The following CCDC85A variants were observed in gnomAD, a reference collection of about 807,000 sequenced individuals.
CCDC85A encodes the protein coiled-coil domain containing 85A.
CCDC85A carries 38 observed loss-of-function variants against 50.2 expected under a neutral mutation model. That is an observed-to-expected ratio of 0.76 (90% CI 0.58 to 0.99). The LOEUF (loss-of-function observed/expected upper bound fraction) is 0.99, where lower values mean the gene tolerates loss of function less well. Among genes scored for constraint, CCDC85A ranks in the 50% least tolerant of loss-of-function variants. The probability of loss-of-function intolerance (pLI) is 0.00; values close to 1 mark genes in which losing one functional copy is unlikely to be tolerated. For missense variants in CCDC85A, 820 were observed against 742.0 expected (o/e 1.11, Z -1.22); for synonymous variants, 366 against 301.4 (o/e 1.21, Z -2.22).
At chr2:56,217,769 G>C (rs982518792) in intron 2 of CCDC85A, among the ~76,000 whole-genome samples, 1 of 151,660 alleles carries the variant, frequency 6.6e-6, no homozygotes, top group Non-Finnish European at 1.5e-5. Context: ...AATTATGTAG[G>C]AATTAAAGCA....
chr2:56,198,085 A>G (rs1676598551), intron 2 of CCDC85A, among the ~76,000 whole-genome samples: 2 of 152,226 alleles, frequency 1.3e-5, no homozygotes, highest in Non-Finnish European at 2.9e-5. Flanking sequence ...TGAGGTTATT[A>G]ATGAGTAAAC....
chr2:56,293,684 A>G (rs556311659), intron 2 of CCDC85A, among the ~76,000 whole-genome samples: 12 of 152,206 alleles, frequency 7.9e-5, no homozygotes, highest in Non-Finnish European at 1.8e-4. Flanking sequence ...CATATATGCA[A>G]CCAACAAACA....
At chr2:56,310,306 T>G (rs1199615404) in intron 2 of CCDC85A, among the ~76,000 whole-genome samples, 1 of 152,096 alleles carries the variant, frequency 6.6e-6, no homozygotes, top group Non-Finnish European at 1.5e-5. Flanking sequence ...AGGACACAGT[T>G]TTTGACTGAC....
intron 2 of CCDC85A, among the ~76,000 whole-genome samples, chr2:56,232,198 A>C (rs755724525): frequency 5.3e-5 from 8 of 152,134 alleles, no homozygotes; most frequent in Non-Finnish European, 1.2e-4. Context: ...TGAACACCTG[A>C]TACCTATTCA....
At chr2:56,380,858 C>G (rs193282088) in intron 5 of CCDC85A, among the ~76,000 whole-genome samples, 8 of 152,196 alleles carry the variant, frequency 5.3e-5, no homozygotes, top group Non-Finnish European at 1.0e-4. Flanking sequence ...TGGTTAAGCA[C>G]TGGTCATGTT....
At chr2:56,195,571 T>G (rs955888821) in intron 2 of CCDC85A, among the ~76,000 whole-genome samples, 2 of 152,246 alleles carry the variant, frequency 1.3e-5, no homozygotes, top group Admixed American at 6.5e-5. Flanking sequence ...TTATGGATCA[T>G]CAGCCTATAA....
Position 56,308,171 on chromosome 2 carries a change from C to A in CCDC85A, c.1241-34708C>A, listed in dbSNP as rs145685347. Among the ~76,000 whole-genome samples the A allele has an allele frequency of 1.6e-3, 245 of 152,274 alleles. 2 individuals carry two copies. The highest frequency in any genetic ancestry group is 5.6e-3 in the African/African-American group (231 of 41,566). ...CTAGTTGTGAGAAGCCAGTATAGTT[C>A]ACCATTTTCAGACATTTTGTCAAAC... On this transcript the variant is annotated intron_variant, in intron 2 of 5. Transcript: ENST00000407595.
intron 2 of CCDC85A, among the ~76,000 whole-genome samples, chr2:56,306,876 T>C (rs1225569053): frequency 6.6e-6 from 1 of 152,154 alleles, no homozygotes; most frequent in Admixed American, 6.6e-5. Flanking sequence ...GGTTATTGTC[T>C]GATATGAGTT....
chr2:56,342,809 C>T (rs1674440824), intron 2 of CCDC85A, 70 bp from the exon 3 acceptor site: 2 of 993,196 alleles, frequency 2.0e-6, no homozygotes, highest in South Asian at 3.2e-5. Context: ...TAAATCAAGC[C>T]AGAAATATCC....
At position 56,184,149 on chromosome 2, in the gene CCDC85A, A is replaced by C; in HGVS notation, c.-476A>C. 1 of 985,654 alleles carries C rather than the reference A, an allele frequency of 1.0e-6. No homozygotes were observed. Among genetic ancestry groups the C allele is most frequent in the Non-Finnish European group, 1.2e-6 (1 of 830,282 alleles). The allele number at this position is 985,654 out of a possible 1,614,324, so 61.1% of individuals were successfully genotyped here. ...CGCCGCGGTGCCCGGCGCGCCCTCC[A>C]AGCTAGGAGAGGGGAGAAGCCGGGG... is the stretch of plus-strand genomic sequence containing the variant. On this transcript the variant is annotated 5_prime_UTR_variant, in exon 1 of 6. Coordinates refer to ENST00000407595, the MANE Select transcript of CCDC85A (RefSeq NM_001080433.2).
chr2:56,218,944 A>G (rs1558589870), intron 2 of CCDC85A, among the ~76,000 whole-genome samples: 1 of 151,808 alleles, frequency 6.6e-6, no homozygotes, highest in Admixed American at 6.6e-5. Flanking sequence ...ATTCATCTAT[A>G]AAGATATGCT....
intron 1 of CCDC85A, among the ~76,000 whole-genome samples, chr2:56,189,100 A>T (rs543853957): frequency 2.0e-5 from 3 of 152,216 alleles, no homozygotes; most frequent in Non-Finnish European, 4.4e-5. Flanking sequence ...TTAGGTTCAT[A>T]TGGGGTAGAA....
At chr2:56,203,842 T>G (rs989034407) in intron 2 of CCDC85A, among the ~76,000 whole-genome samples, 3 of 152,240 alleles carry the variant, frequency 2.0e-5, no homozygotes, top group Non-Finnish European at 2.9e-5. Flanking sequence ...ATTTAAAATG[T>G]GTTTAAAACA....
At chr2:56,247,431 A>G (rs924945494) in intron 2 of CCDC85A, among the ~76,000 whole-genome samples, 4 of 152,166 alleles carry the variant, frequency 2.6e-5, no homozygotes, top group African/African-American at 9.7e-5. Context: ...TGTATACATC[A>G]TGCAACTGGC....
At position 56,192,810 on chromosome 2, in the gene CCDC85A, G is replaced by A. The variant is rs780455857; in HGVS notation, c.610G>A (p.Val204Met). 8 of 1,613,374 alleles carry A rather than the reference G, an allele frequency of 5.0e-6. No homozygotes were observed. Among genetic ancestry groups the A allele is most frequent in the Admixed American group, 3.3e-5 (2 of 59,980 alleles). The part of the protein sequence containing the change: ...CQLTASTAPY[V>M]RDVGDGSSTS... Reference sequence around the variant, plus strand: ...ACTCACAGCCTCCACCGCACCCTACGTGCGGGATGTGGGTGACGGCAGCAG... The same window carrying A: ...ACTCACAGCCTCCACCGCACCCTACATGCGGGATGTGGGTGACGGCAGCAG... The change falls in exon 2 of 6, where the codon GTG (valine) becomes ATG (methionine). Residue 204 changes from valine to methionine, a missense_variant. Physicochemically the swap from Val to Met is conservative, Grantham distance 21. Transcript: ENST00000407595. This position sits in a 1 kb window ranked among gnomAD's most constrained non-coding sequence, Gnocchi z 4.7.
chr2:56,202,515 T>C (rs1307232954), intron 2 of CCDC85A, among the ~76,000 whole-genome samples: 1 of 152,166 alleles, frequency 6.6e-6, no homozygotes, highest in Non-Finnish European at 1.5e-5. Context: ...CAGGGAAGTG[T>C]TGGTTTCTGG....
chr2:56,286,559 T>C (rs923241525), intron 2 of CCDC85A, among the ~76,000 whole-genome samples: 6 of 152,326 alleles, frequency 3.9e-5, no homozygotes, highest in Admixed American at 2.0e-4. Context: ...TAGAATTGGC[T>C]TTCTTTTATA....
rs78171829 is a variant in CCDC85A at position 56,270,290 on chromosome 2, C to G, written c.1241-72589C>G. Reference sequence around the variant, plus strand: ...TTTATGTAATTTCATACTTTGATAGCAAAGAAGGATACCTAAAAAGAAAAA... The same window carrying G: ...TTTATGTAATTTCATACTTTGATAGGAAAGAAGGATACCTAAAAAGAAAAA... On this transcript the variant is annotated intron_variant, in intron 2 of 5. Transcript: ENST00000407595. Among the ~76,000 whole-genome samples, 222 of 152,004 alleles carry G rather than the reference C, an allele frequency of 1.5e-3. 2 individuals are homozygous for G. The East Asian group carries it at 0.041, about 28-fold the overall frequency.
chr2:56,351,424 C>T lies in CCDC85A; in HGVS notation c.1317+8469C>T, dbSNP rs1465434213. Among the ~76,000 whole-genome samples the T allele has an allele frequency of 6.4e-4, 94 of 146,288 alleles. 2 individuals are homozygous for T. The highest frequency in any genetic ancestry group is 3.1e-3 in the East Asian group (15 of 4,794). ...CAGTTCTAGATCCCTGAGGAATCGC[C>T]ACACTGACTTCCACAATGGTTGAAC... On this transcript the variant is annotated intron_variant, in intron 3 of 5. Coordinates refer to ENST00000407595, the MANE Select transcript of CCDC85A (RefSeq NM_001080433.2).
Sources: gnomAD v4.1 joint callset for allele counts (sites outside exome capture counted in the v4.1 genomes callset) on GRCh38, gnomAD v4.1.1 for gene constraint, Gnocchi (gnomAD v3.1) non-coding constraint, MANE v1.5 for transcripts, NCBI Gene and HGNC (gene_info 2026-07-23, HGNC 2026-07-21) for gene names.